Variants in GLCCI1 observed in about 807,000 individuals in gnomAD.
The protein encoded by GLCCI1 is glucocorticoid induced 1.
GLCCI1 carries 24 observed loss-of-function variants against 52.2 expected under a neutral mutation model. The ratio of observed to expected loss-of-function variants is 0.46; its 90% CI spans 0.33 to 0.65. GLCCI1 has a LOEUF of 0.65. GLCCI1 is among the 30% of genes least tolerant of loss of function. The pLI, the probability that GLCCI1 is intolerant of heterozygous loss-of-function variation, is 0.02. For missense variants in GLCCI1, 704 were observed against 701.5 expected, an observed-to-expected ratio of 1.00 and a Z score of -0.04; for synonymous variants, 310 against 276.5, an observed-to-expected ratio of 1.12 and a Z score of -1.20.
intron 1 of GLCCI1, among the ~76,000 whole-genome samples, chr7:8,001,575 C>G (rs1369740043): frequency 6.6e-6 from 1 of 152,174 alleles, no homozygotes; most frequent in African/African-American, 2.4e-5. Context: ...ACTAAAAATA[C>G]CATTTGACCC....
intron 2 of GLCCI1, among the ~76,000 whole-genome samples, chr7:8,008,252 C>A (rs142979815): frequency 1.3e-5 from 2 of 151,260 alleles, no homozygotes; most frequent in Non-Finnish European, 2.9e-5. Context: ...AACCACTATT[C>A]TACTCTCTAT....
At chr7:8,006,703 A>T (rs561733069) in intron 2 of GLCCI1, among the ~76,000 whole-genome samples, 12 of 152,322 alleles carry the variant, frequency 7.9e-5, no homozygotes, top group Middle Eastern at 3.4e-3. Flanking sequence ...CTTCATATGG[A>T]CCTGGAAGAT....
rs58360790 is a variant in GLCCI1, at chr7:8,088,240, T to TTGTGTG, written c.*1728_*1733dup. 19,805 of 147,306 alleles carry TTGTGTG rather than the reference T, an allele frequency of 0.13. 1,356 individuals are homozygous for TTGTGTG. Among genetic ancestry groups the TTGTGTG allele is most frequent in the Admixed American group, 0.18 (2,611 of 14,676 alleles). 9.1% of individuals were successfully genotyped at this position (147,306 alleles called of 1,614,324 possible). A position where few individuals can be genotyped will look rare whatever the true frequency, so the allele number is the denominator to read the frequency against. On this transcript the variant is annotated 3_prime_UTR_variant, in exon 8 of 8. Transcript: ENST00000223145. ...AGAAATGATATATATATGTATATGT[T>TTGTGTG]TGTGTGTGTGTGTGTGTGTGTGTGT... is the stretch of plus-strand genomic sequence containing the variant.
chr7:7,979,885 A>G (rs1289946076), intron 1 of GLCCI1, among the ~76,000 whole-genome samples: 2 of 152,166 alleles, frequency 1.3e-5, no homozygotes, highest in Non-Finnish European at 2.9e-5. Context: ...CTTTGGTTGA[A>G]TGCAGTGACC....
chr7:7,993,479 G>T (rs796827306), intron 1 of GLCCI1, among the ~76,000 whole-genome samples: 3 of 152,120 alleles, frequency 2.0e-5, no homozygotes, highest in South Asian at 4.1e-4. Flanking sequence ...TAGTATCTCA[G>T]ACTTTATTGA....
intron 2 of GLCCI1, among the ~76,000 whole-genome samples, chr7:8,009,444 C>T (rs146994445): frequency 6.6e-6 from 1 of 152,092 alleles, no homozygotes; most frequent in South Asian, 2.1e-4. Flanking sequence ...GAGGTATTTC[C>T]TACAACTTCC....
At chr7:8,070,630 G>A (rs138236313) in intron 5 of GLCCI1, 46 of 240,418 alleles carry the variant, frequency 1.9e-4, no homozygotes, top group African/African-American at 9.5e-4. Flanking sequence ...GTAGTGCCAG[G>A]CACAGGACTC....
chr7:7,990,261 CTTTG>C (rs1224235435), intron 1 of GLCCI1, among the ~76,000 whole-genome samples: 1 of 151,992 alleles, frequency 6.6e-6, no homozygotes, highest in Non-Finnish European at 1.5e-5. Context: ...GAACAGTGCT[CTTTG>C]TTTGTTGAGG....
At chr7:8,042,497 A>G (rs1229001567) in intron 3 of GLCCI1, among the ~76,000 whole-genome samples, 1 of 152,192 alleles carries the variant, frequency 6.6e-6, no homozygotes, top group Non-Finnish European at 1.5e-5. Context: ...TGTGGTGGAA[A>G]TAGCAAGAGA....
In GLCCI1 at chr7:8,086,487, G is replaced by A. The variant is rs1394243231; in HGVS notation, c.1593G>A (p.Gln531=). Residue 531 remains glutamine, a synonymous_variant, in exon 8 of 8, where the codon CAG becomes CAA. Transcript: ENST00000223145. The surrounding 1 kb of genome is among the most constrained non-coding windows in gnomAD (Gnocchi z 4.4). ...CATCCCAGCAGCAGCAGCTCCTGCA[G>A]GAACTGCAGGGTGAGGACCACATCT... The part of the protein sequence containing the change: ...QQPSQQQQLL[Q]ELQGEDHISA... 10 of 1,613,866 alleles carry A rather than the reference G, an allele frequency of 6.2e-6. No homozygotes were observed. Among genetic ancestry groups the A allele is most frequent in the South Asian group, 3.3e-5 (3 of 91,076 alleles).
At chr7:8,072,294 T>C (rs534388040) in intron 6 of GLCCI1, among the ~76,000 whole-genome samples, 1 of 152,326 alleles carries the variant, frequency 6.6e-6, no homozygotes, top group Admixed American at 6.5e-5. Flanking sequence ...TTCTAAGATA[T>C]TAAATGGAAG....
intron 2 of GLCCI1, among the ~76,000 whole-genome samples, chr7:8,020,755 T>C (rs1781467682): frequency 6.6e-6 from 1 of 152,240 alleles, no homozygotes; most frequent in South Asian, 2.1e-4. Context: ...TCTTTTCATT[T>C]TGATAAGAGT....
At chr7:8,047,612 A>G (rs1277706045) in intron 3 of GLCCI1, among the ~76,000 whole-genome samples, 3 of 152,246 alleles carry the variant, frequency 2.0e-5, no homozygotes, top group Non-Finnish European at 4.4e-5. Context: ...TCAAATGAGT[A>G]AGATTGTATG....
chr7:7,997,613 G>GTT (rs970600533), intron 1 of GLCCI1, among the ~76,000 whole-genome samples: 1 of 152,044 alleles, frequency 6.6e-6, no homozygotes, highest in African/African-American at 2.4e-5. Context: ...CTGACTACCT[G>GTT]TTAAAATAAA....
chr7:7,979,633 G>T (rs1780567154), intron 1 of GLCCI1, among the ~76,000 whole-genome samples: 1 of 152,024 alleles, frequency 6.6e-6, no homozygotes, highest in Non-Finnish European at 1.5e-5. Flanking sequence ...GATGTCACTG[G>T]CCCTTTCTTT....
chr7:8,059,246 A>G (rs138907786), intron 4 of GLCCI1, among the ~76,000 whole-genome samples: 7 of 152,328 alleles, frequency 4.6e-5, no homozygotes, highest in East Asian at 1.9e-4. Context: ...TCATGCATCA[A>G]TAAGAGACAA....
intron 7 of GLCCI1, among the ~76,000 whole-genome samples, chr7:8,085,742 C>CT (rs1783092578): frequency 4.6e-5 from 7 of 151,656 alleles, no homozygotes; most frequent in Non-Finnish European, 1.0e-4. Context: ...TGAAACTCCC[C>CT]TCCCCACTCC....
chr7:8,002,887 A>C (rs1781075378), intron 1 of GLCCI1, among the ~76,000 whole-genome samples: 1 of 152,204 alleles, frequency 6.6e-6, no homozygotes, highest in Non-Finnish European at 1.5e-5. Context: ...TATGGGAAGG[A>C]GAAGTATCAT....
At chr7:8,078,046 A>G (rs554770294) in intron 6 of GLCCI1, among the ~76,000 whole-genome samples, 1 of 152,048 alleles carries the variant, frequency 6.6e-6, no homozygotes, top group East Asian at 1.9e-4. Context: ...CATCCTGGCT[A>G]ACACGGTGAA....
Sources: allele counts gnomAD v4.1 joint callset (sites outside exome capture counted in the v4.1 genomes callset), GRCh38; gene constraint gnomAD v4.1.1; non-coding constraint Gnocchi (gnomAD v3.1); transcripts MANE v1.5; gene names NCBI Gene and HGNC (gene_info 2026-07-23, HGNC 2026-07-21).